Variants in SEMA3C observed in about 807,000 individuals in gnomAD.
The protein encoded by SEMA3C is semaphorin 3C.
SEMA3C carries 47 observed loss-of-function variants against 89.4 expected under a neutral mutation model. The ratio of observed to expected loss-of-function variants is 0.53; its 90% CI spans 0.42 to 0.67. The LOEUF (loss-of-function observed/expected upper bound fraction) is 0.67, where lower values mean the gene tolerates loss of function less well. Among genes scored for constraint, SEMA3C ranks in the 30% least tolerant of loss-of-function variants. The pLI is 0.00. For missense variants in SEMA3C, 839 were observed against 929.1 expected (o/e 0.90, Z 1.26); for synonymous variants, 310 against 320.2 (o/e 0.97, Z 0.34).
At chr7:80,768,924 GAGC>G (rs1230319766) in intron 12 of SEMA3C, among the ~76,000 whole-genome samples, 1 of 152,166 alleles carries the variant, frequency 6.6e-6, no homozygotes, top group Non-Finnish European at 1.5e-5. Flanking sequence ...TTTGTTATAT[GAGC>G]ATGTTATCAT....
At chr7:80,860,881 G>GT (rs1262727190) in intron 2 of SEMA3C, among the ~76,000 whole-genome samples, 1 of 152,134 alleles carries the variant, frequency 6.6e-6, no homozygotes, top group Non-Finnish European at 1.5e-5. Context: ...CTTTTCTTCT[G>GT]TAGTTACCTT....
rs117095197 is a variant in SEMA3C at position 80,844,326 on chromosome 7, G to T, written c.104-15581C>A. Among the ~76,000 whole-genome samples, 543 of 152,232 alleles carry T rather than the reference G, an allele frequency of 3.6e-3. 10 individuals carry two copies. Among genetic ancestry groups the T allele is most frequent in the East Asian group, 0.035 (183 of 5,178 alleles). ...CAATTGTCATATTAATATTACTAAT[G>T]ATTATATTGAATCAAACATTTGTCC... On this transcript the variant is annotated intron_variant, in intron 2 of 17. Coordinates refer to ENST00000265361, the MANE Select transcript of SEMA3C (RefSeq NM_006379.5).
chr7:80,750,082 T>A (rs914284975), intron 16 of SEMA3C, among the ~76,000 whole-genome samples: 22 of 152,100 alleles, frequency 1.4e-4, no homozygotes, highest in African/African-American at 4.6e-4. Context: ...GAATGCCATT[T>A]TTTACTAAAG....
intron 2 of SEMA3C, among the ~76,000 whole-genome samples, chr7:80,874,447 G>GTTATTTATTTAT (rs56316322): frequency 0.23 from 33,546 of 146,434 alleles, 4,200 homozygotes; most frequent in East Asian, 0.4. Context: ...ACCATAGCAA[G>GTTATTTATTTAT]TTATTTATTT....
At chr7:80,843,709 C>T (rs959931444) in intron 2 of SEMA3C, among the ~76,000 whole-genome samples, 1 of 152,078 alleles carries the variant, frequency 6.6e-6, no homozygotes, top group African/African-American at 2.4e-5. Context: ...GAGTTATTTT[C>T]TAAATTAATC....
intron 2 of SEMA3C, among the ~76,000 whole-genome samples, chr7:80,887,518 C>G (rs978239105): frequency 7.9e-5 from 12 of 152,114 alleles, no homozygotes; most frequent in African/African-American, 2.9e-4. Context: ...TGAATCGAAT[C>G]TCCAAATCAA....
chr7:80,893,931 A>G (rs1352722720), intron 2 of SEMA3C, among the ~76,000 whole-genome samples: 1 of 152,208 alleles, frequency 6.6e-6, no homozygotes, highest in Admixed American at 6.5e-5. Context: ...TTCATGCTGT[A>G]TCATGAATGA....
At chr7:80,791,801 G>A (rs981470729) in intron 11 of SEMA3C, among the ~76,000 whole-genome samples, 13 of 152,182 alleles carry the variant, frequency 8.5e-5, no homozygotes, top group African/African-American at 3.1e-4. Context: ...CCCTGCAACA[G>A]CTGTCCAACA....
At chr7:80,812,033 G>A (rs888784316) in intron 5 of SEMA3C, among the ~76,000 whole-genome samples, 2 of 152,072 alleles carry the variant, frequency 1.3e-5, no homozygotes, top group African/African-American at 4.8e-5. Flanking sequence ...TTTGTAAAAG[G>A]TAACCTAAAA....
In SEMA3C at chr7:80,743,958, T is replaced by G. The variant is rs985104140; in HGVS notation, c.*936A>C. 1.3e-5 allele frequency: 2 copies of G among 152,062 alleles called. No homozygotes were observed. Among genetic ancestry groups the G allele is most frequent in the Non-Finnish European group, 2.9e-5 (2 of 67,922 alleles). The allele number at this position is 152,062 out of a possible 1,614,324, so 9.4% of individuals were successfully genotyped here. On this transcript the variant is annotated 3_prime_UTR_variant, in exon 18 of 18. Coordinates refer to ENST00000265361, the MANE Select transcript of SEMA3C (RefSeq NM_006379.5). ...AGCCATATTTGTTATAAATTCCTCT[T>G]AAAAAATTAGTAGTTTCTACTTTGA... is the stretch of plus-strand genomic sequence containing the variant.
At position 80,880,854 on chromosome 7, in the gene SEMA3C, G is replaced by C. The variant is rs116348272; in HGVS notation, c.103+35825C>G. ...ACAGAAGAATCGCTTAAATCCTGGA[G>C]GTGAAGGCTGCAGTGAGCTGAGATC... is the stretch of plus-strand genomic sequence containing the variant. On this transcript the variant is annotated intron_variant, in intron 2 of 17. Coordinates refer to ENST00000265361, the MANE Select transcript of SEMA3C (RefSeq NM_006379.5). Among the ~76,000 whole-genome samples the C allele has an allele frequency of 5.2e-3, 789 of 152,256 alleles. 5 individuals are homozygous for C. The highest frequency in any genetic ancestry group is 0.017 in the African/African-American group (725 of 41,554).
At chr7:80,873,987 C>T (rs1002230647) in intron 2 of SEMA3C, among the ~76,000 whole-genome samples, 1 of 152,148 alleles carries the variant, frequency 6.6e-6, no homozygotes, top group South Asian at 2.1e-4. Context: ...CTTACCTTCT[C>T]TTCTTTCAAG....
chr7:80,837,587 G>A (rs934303360), intron 2 of SEMA3C, among the ~76,000 whole-genome samples: 2 of 152,082 alleles, frequency 1.3e-5, no homozygotes, highest in African/African-American at 4.8e-5. Context: ...TGCTCTGCTG[G>A]CCTTCTTTTT....
At chr7:80,919,368 C>G (rs1375833305), upstream of SEMA3C, 2 of 985,244 alleles carry the variant, frequency 2.0e-6, no homozygotes, top group Non-Finnish European at 2.4e-6. Flanking sequence ...GAGTGAGCAA[C>G]TTGCTGGGTG....
At chr7:80,853,081 C>G (rs1471596673) in intron 2 of SEMA3C, among the ~76,000 whole-genome samples, 1 of 152,004 alleles carries the variant, frequency 6.6e-6, no homozygotes, top group African/African-American at 2.4e-5. Flanking sequence ...ATTATCTCAC[C>G]CCAGTTAAAA....
rs1219100818 is a variant in SEMA3C, at chr7:80,743,917, A to T, written c.*977T>A. The T allele has an allele frequency of 1.3e-5, 2 of 152,068 alleles. No homozygotes were observed. The highest frequency in any genetic ancestry group is 2.9e-5 in the Non-Finnish European group (2 of 67,920). 9.4% of individuals were successfully genotyped at this position (152,068 alleles called of 1,614,324 possible). A position where few individuals can be genotyped will look rare whatever the true frequency, so the allele number is the denominator to read the frequency against. ...AAAGGAAGAATCATTGAATTTGAGT[A>T]CTGAAGTTGAAAACTAGCCATATTT... On this transcript the variant is annotated 3_prime_UTR_variant, in exon 18 of 18. Coordinates refer to ENST00000265361, the MANE Select transcript of SEMA3C (RefSeq NM_006379.5).
At chr7:80,772,330 A>T (rs573234969) in intron 12 of SEMA3C, among the ~76,000 whole-genome samples, 3 of 152,228 alleles carry the variant, frequency 2.0e-5, no homozygotes, top group Non-Finnish European at 4.4e-5. Context: ...TAAAATCTTT[A>T]TTAGTTCACT....
chr7:80,746,746 T>TGTGTGTGTGTGTGTGG, intron 17 of SEMA3C, among the ~76,000 whole-genome samples: 1 of 150,092 alleles, frequency 6.7e-6, no homozygotes, highest in South Asian at 2.1e-4. Flanking sequence ...TGTGTGTGTG[T>TGTGTGTGTGTGTGTGG]GGAGGGGAGG....
chr7:80,896,243 T>C (rs1402406714), intron 2 of SEMA3C, among the ~76,000 whole-genome samples: 1 of 152,200 alleles, frequency 6.6e-6, no homozygotes, highest in Non-Finnish European at 1.5e-5. Flanking sequence ...ACTGATTCCA[T>C]TGTATAGAAA....
Sources: allele counts gnomAD v4.1 joint callset (sites outside exome capture counted in the v4.1 genomes callset), GRCh38; gene constraint gnomAD v4.1.1; transcripts MANE v1.5; gene names NCBI Gene and HGNC (gene_info 2026-07-23, HGNC 2026-07-21).